The following ACTR3 variants were observed in gnomAD, a reference collection of about 807,000 sequenced individuals.
ACTR3 encodes the protein actin related protein 3.
ACTR3 carries 12 observed loss-of-function variants against 56.8 expected under a neutral mutation model. That is an observed-to-expected ratio of 0.21 (90% CI 0.14 to 0.34). The LOEUF is 0.34. Among genes scored for constraint, ACTR3 ranks in the 10% least tolerant of loss-of-function variants. The pLI, the probability that ACTR3 is intolerant of heterozygous loss-of-function variation, is 1.00. For synonymous variants in ACTR3, 162 were observed against 167.4 expected (o/e 0.97, Z 0.25); for missense variants, 282 against 512.5 (o/e 0.55, Z 4.34).
chr2:113,909,443 G>A (rs912567639), intron 1 of ACTR3, among the ~76,000 whole-genome samples: 2 of 152,074 alleles, frequency 1.3e-5, no homozygotes, highest in Admixed American at 1.3e-4. Flanking sequence ...AATGTGGTCT[G>A]TACTTCAAAT....
At chr2:113,920,848 G>T (rs1679493797) in intron 3 of ACTR3, among the ~76,000 whole-genome samples, 1 of 152,082 alleles carries the variant, frequency 6.6e-6, no homozygotes, top group Non-Finnish European at 1.5e-5. Flanking sequence ...GAATAGTATT[G>T]TGCATATATA....
chr2:113,916,779 G>A (rs1679412231), intron 2 of ACTR3, 105 bp from the exon 3 acceptor site: 1 of 905,390 alleles, frequency 1.1e-6, no homozygotes, highest in Non-Finnish European at 1.5e-6. Context: ...AAATAGGCTA[G>A]GTCATGTTTT....
Position 113,890,670 on chromosome 2 carries a change from T to C in ACTR3, c.44+347T>C, listed in dbSNP as rs564367021. 73 of 1,176,760 alleles carry C rather than the reference T, an allele frequency of 6.2e-5. No individual in the cohort carries two copies. The South Asian group carries it at 2.3e-3, about 38-fold the overall frequency. 72.9% of individuals were successfully genotyped at this position (1,176,760 alleles called of 1,614,324 possible). On this transcript the variant is annotated intron_variant, in intron 1 of 11. Transcript: ENST00000263238. The stretch of plus-strand genomic sequence containing the variant: ...GGGGGTGGTCCCCGGGCCCGACCCA[T>C]CCGGCTTTCCTTTCCCTCCGCGCCC...
At position 113,908,387 on chromosome 2, in the gene ACTR3, G is replaced by T. The variant is rs76547829; in HGVS notation, c.45-4785G>T. Among the ~76,000 whole-genome samples the T allele has an allele frequency of 5.5e-3, 829 of 151,610 alleles. 38 individuals carry two copies. In the East Asian group the frequency reaches 0.11, roughly 21 times the overall value. On this transcript the variant is annotated intron_variant, in intron 1 of 11. Coordinates refer to ENST00000263238, the MANE Select transcript of ACTR3 (RefSeq NM_005721.5). ...TAAGGATAATATGTAGTTATTTCAT[G>T]TGTAAAACTCAATAGAATTGGTAGG...
chr2:113,897,518 A>ATTTTTT (rs58363370), intron 1 of ACTR3, among the ~76,000 whole-genome samples: 1 of 98,906 alleles, frequency 1.0e-5, no homozygotes, highest in East Asian at 2.6e-4. Context: ...GCCAGATGTT[A>ATTTTTT]TTTTTTTTTT....
chr2:113,908,302 C>T (rs1255861589), intron 1 of ACTR3, among the ~76,000 whole-genome samples: 1 of 149,430 alleles, frequency 6.7e-6, no homozygotes, highest in Non-Finnish European at 1.5e-5. Flanking sequence ...CTACCATCTA[C>T]TTGTACAAAA....
upstream of ACTR3, chr2:113,889,941 G>C (rs926139836): frequency 3.7e-6 from 2 of 538,708 alleles, no homozygotes; most frequent in Non-Finnish European, 6.5e-6. Context: ...GCCTGGCCGG[G>C]GCGTCGGCAC....
chr2:113,959,234 AAT>A lies in ACTR3; in HGVS notation c.*1781_*1782del, dbSNP rs1680279283. The A allele has an allele frequency of 1.3e-5, 2 of 152,060 alleles. No homozygotes were observed. The highest frequency in any genetic ancestry group is 4.1e-4 in the South Asian group (2 of 4,832). The allele number at this position is 152,060 out of a possible 1,614,324, so 9.4% of individuals were successfully genotyped here. ...TATTGTAATTTTCTGTGTAGGTAGAAATAAATGTAGCTTTCTTATTTTACACA... is the reference window on the plus strand; with the variant it reads ...TATTGTAATTTTCTGTGTAGGTAGAAAAATGTAGCTTTCTTATTTTACACA... On this transcript the variant is annotated 3_prime_UTR_variant, in exon 12 of 12. Transcript: ENST00000263238.
At chr2:113,920,739 C>G (rs1170459691) in intron 3 of ACTR3, among the ~76,000 whole-genome samples, 1 of 152,118 alleles carries the variant, frequency 6.6e-6, no homozygotes, top group South Asian at 2.1e-4. Context: ...TGAGAACATG[C>G]AATTTTTTAT....
At chr2:113,906,297 A>G (rs1376998320) in intron 1 of ACTR3, among the ~76,000 whole-genome samples, 1 of 152,198 alleles carries the variant, frequency 6.6e-6, no homozygotes, top group South Asian at 2.1e-4. Context: ...CTTTGGAGAA[A>G]TGTCATTACA....
At chr2:113,923,290 T>G (rs1679544619) in intron 3 of ACTR3, among the ~76,000 whole-genome samples, 1 of 152,044 alleles carries the variant, frequency 6.6e-6, no homozygotes, top group African/African-American at 2.4e-5. Context: ...GCAGGATTAC[T>G]CTAATGGTTA....
chr2:113,936,302 CAAAAA>C (rs61526382), intron 6 of ACTR3, among the ~76,000 whole-genome samples: 4 of 78,250 alleles, frequency 5.1e-5, no homozygotes, highest in African/African-American at 1.8e-4. Flanking sequence ...ACCCTGTCTC[CAAAAA>C]AAAAAAAAAA....
upstream of ACTR3, chr2:113,890,079 G>T (rs932453919): frequency 8.3e-5 from 52 of 629,544 alleles, no homozygotes; most frequent in Non-Finnish European, 1.3e-4. Context: ...GGGACTGCCT[G>T]CCTGCCTGGG....
At chr2:113,925,352 C>G (rs1043215923) in intron 3 of ACTR3, among the ~76,000 whole-genome samples, 4 of 150,824 alleles carry the variant, frequency 2.7e-5, no homozygotes. Flanking sequence ...TGCACCACCA[C>G]GCCTGGCTAA....
At chr2:113,908,362 T>C (rs1679241846) in intron 1 of ACTR3, among the ~76,000 whole-genome samples, 1 of 151,854 alleles carries the variant, frequency 6.6e-6, no homozygotes, top group Non-Finnish European at 1.5e-5. Flanking sequence ...AAAAATATCT[T>C]AAGGATAATA....
chr2:113,942,782 ATAAC>A (rs1323505160), intron 8 of ACTR3, among the ~76,000 whole-genome samples: 2 of 152,152 alleles, frequency 1.3e-5, no homozygotes, highest in Non-Finnish European at 2.9e-5. Context: ...ATTAAAATAT[ATAAC>A]TAGTAGCAAA....
Position 113,959,530 on chromosome 2 carries a change from C to G in ACTR3, c.*2075C>G, listed in dbSNP as rs146641247. ...CTGTTTGCTACAAAAACATGAAGATCAAAAACTTTCTTGAAGCTTACGCTT... is the reference window on the plus strand; with the variant it reads ...CTGTTTGCTACAAAAACATGAAGATGAAAAACTTTCTTGAAGCTTACGCTT... On this transcript the variant is annotated 3_prime_UTR_variant, in exon 12 of 12. Transcript: ENST00000263238. 1.3e-3 allele frequency: 203 copies of G among 152,126 alleles called. 1 individual carries two copies. Among genetic ancestry groups the G allele is most frequent in the African/African-American group, 4.7e-3 (196 of 41,554 alleles). The allele number at this position is 152,126 out of a possible 1,614,324, so 9.4% of individuals were successfully genotyped here. A position where few individuals can be genotyped will look rare whatever the true frequency, so the allele number is the denominator to read the frequency against.
rs1679720185 is a variant in ACTR3, at chr2:113,931,366, C to T, written c.402C>T (p.Phe134=). The T allele has an allele frequency of 5.0e-6, 8 of 1,600,366 alleles. No homozygotes were observed. The highest frequency in any genetic ancestry group is 6.0e-6 in the Non-Finnish European group (7 of 1,173,564). Residue 134 remains phenylalanine, a synonymous_variant, in exon 5 of 12, where the codon TTC becomes TTT. Transcript: ENST00000263238. ...CTGCTGAAATAATGTTTGAGTCCTT[C>T]AATGTTCCAGGCTTGTACATTGCTG... ...EYTAEIMFES[F]NVPGLYIAVQ... is the part of the protein sequence containing the mutation.
At chr2:113,953,088 A>AT (rs1211183071) in intron 10 of ACTR3, 1 of 152,220 alleles carries the variant, frequency 6.6e-6, no homozygotes, top group African/African-American at 2.4e-5. Context: ...TTATGGATGT[A>AT]TTAAAGTAGC....
Sources: gnomAD v4.1 joint callset for allele counts (sites outside exome capture counted in the v4.1 genomes callset) on GRCh38, gnomAD v4.1.1 for gene constraint, MANE v1.5 for transcripts, NCBI Gene and HGNC (gene_info 2026-07-23, HGNC 2026-07-21) for gene names.